The following GNAO1 variants were observed in gnomAD, a reference collection of about 807,000 sequenced individuals.
GNAO1 encodes the protein guanine nucleotide-binding protein G(o) subunit alpha.
For missense variants in GNAO1, 166 were observed against 478.7 expected, an observed-to-expected ratio of 0.35 and a Z score of 6.10; for synonymous variants, 164 against 180.7, an observed-to-expected ratio of 0.91 and a Z score of 0.74.
At chr16:56,253,456 G>A (rs534842099) in intron 2 of GNAO1, among the ~76,000 whole-genome samples, 7 of 152,346 alleles carry the variant, frequency 4.6e-5, no homozygotes, top group African/African-American at 1.4e-4. Context: ...AATTGGGCAA[G>A]TGTGATTAAT....
chr16:56,336,366 A>C (rs1464366218), intron 5 of GNAO1: 1 of 188,420 alleles, frequency 5.3e-6, no homozygotes, highest in African/African-American at 2.4e-5. Context: ...TGCCCAGAGC[A>C]AACCCAGGAA....
intron 3 of GNAO1, among the ~76,000 whole-genome samples, chr16:56,286,963 A>G (rs2143548932): frequency 6.6e-6 from 1 of 152,286 alleles, no homozygotes; most frequent in South Asian, 2.1e-4. Context: ...TGCCCCGTGC[A>G]GGAGATGACT....
At chr16:56,209,008 C>T (rs1319786678) in intron 2 of GNAO1, among the ~76,000 whole-genome samples, 2 of 151,962 alleles carry the variant, frequency 1.3e-5, no homozygotes, top group Non-Finnish European at 2.9e-5. Context: ...TTCAGTCTCC[C>T]TCTTTTTGGT....
intron 6 of GNAO1, chr16:56,347,904 C>A: frequency 1.1e-6 from 1 of 911,714 alleles, no homozygotes; most frequent in Non-Finnish European, 1.3e-6. Flanking sequence ...CCTGGCTCTG[C>A]CCGCCGTCCC....
At chr16:56,218,792 G>A (rs1463518137) in intron 2 of GNAO1, among the ~76,000 whole-genome samples, 1 of 152,126 alleles carries the variant, frequency 6.6e-6, no homozygotes, top group Non-Finnish European at 1.5e-5. Context: ...TCTTCACCCT[G>A]CTTTTTGCTT....
rs75150348 is a variant in GNAO1, at chr16:56,340,553, ACTGCCCCCAC to A, written c.723+3697_723+3706del. The stretch of plus-strand genomic sequence containing the variant: ...GAGCTGGAGCCTCTCCAGTGACCTC[ACTGCCCCCAC>A]CTGGGGCCAGCTCTCTTTGGAAGGG... On this transcript the variant is annotated intron_variant, in intron 6 of 8. Transcript: ENST00000262493. 0.12 allele frequency: 50,541 copies of A among 415,002 alleles called. 3,829 individuals are homozygous for A. The highest frequency in any genetic ancestry group is 0.19 in the Middle Eastern group (284 of 1,518). 25.7% of individuals were successfully genotyped at this position (415,002 alleles called of 1,614,324 possible).
chr16:56,195,457 G>T (rs2036224323), intron 2 of GNAO1, among the ~76,000 whole-genome samples: 1 of 152,204 alleles, frequency 6.6e-6, no homozygotes, highest in African/African-American at 2.4e-5. Context: ...TGCAGAGATG[G>T]TTTTTGAGAT....
At chr16:56,306,895 CG>C (rs2037402720) in intron 3 of GNAO1, 1 of 152,510 alleles carries the variant, frequency 6.6e-6, no homozygotes, top group Non-Finnish European at 1.5e-5. Flanking sequence ...ACAATGTGGC[CG>C]GGAACTCTGG....
chr16:56,212,556 C>G (rs1433312145), intron 2 of GNAO1, among the ~76,000 whole-genome samples: 1 of 152,216 alleles, frequency 6.6e-6, no homozygotes, highest in Non-Finnish European at 1.5e-5. Flanking sequence ...CCAGATTTGT[C>G]ACAATAGTGT....
chr16:56,289,223 G>T (rs1406383538), intron 3 of GNAO1, among the ~76,000 whole-genome samples: 1 of 152,186 alleles, frequency 6.6e-6, no homozygotes, highest in African/African-American at 2.4e-5. Context: ...TGGGCCACTT[G>T]CCCCACAGTA....
At chr16:56,336,906 G>C (rs377573101) in intron 6 of GNAO1, 46 bp downstream of exon 6, 1 of 1,569,022 alleles carries the variant, frequency 6.4e-7, no homozygotes, top group Non-Finnish European at 8.6e-7. Context: ...CTGAGGAGAC[G>C]GCCGCAGGAT....
intron 2 of GNAO1, among the ~76,000 whole-genome samples, chr16:56,241,057 C>T (rs2036689494): frequency 1.3e-5 from 2 of 152,242 alleles, no homozygotes; most frequent in African/African-American, 4.8e-5. Context: ...CCAGGCTTTA[C>T]TTCCTGCTTT....
rs2036177381 is a variant in GNAO1, at chr16:56,191,911, C to T, written c.-325C>T. On this transcript the variant is annotated 5_prime_UTR_variant, in exon 1 of 9. Transcript: ENST00000262493. The surrounding 1 kb of genome is among the most constrained non-coding windows in gnomAD (Gnocchi z 4.7). ...ATTATTTTATTTATTTTGGGTCGTG[C>T]ACAAGCCTCAGTGCCTGCAGTCCGC... 3 of 369,972 alleles carry T rather than the reference C, an allele frequency of 8.1e-6. No homozygotes were observed. Among genetic ancestry groups the T allele is most frequent in the Non-Finnish European group, 1.5e-5 (3 of 203,634 alleles). The allele number at this position is 369,972 out of a possible 1,614,324, so 22.9% of individuals were successfully genotyped here.
intron 2 of GNAO1, among the ~76,000 whole-genome samples, chr16:56,261,285 G>A (rs926405023): frequency 1.6e-4 from 25 of 152,324 alleles, no homozygotes; most frequent in Admixed American, 7.8e-4. Context: ...TGAGAAGGGC[G>A]TCTTTTGTCT....
intron 3 of GNAO1, among the ~76,000 whole-genome samples, chr16:56,297,521 TGGTGTG>T (rs1251234215): frequency 9.1e-5 from 10 of 109,820 alleles, no homozygotes; most frequent in African/African-American, 3.0e-4. Context: ...TTTGTCTAAC[TGGTGTG>T]TGTGTGTGTG....
intron 2 of GNAO1, among the ~76,000 whole-genome samples, chr16:56,206,420 G>A (rs901993672): frequency 4.0e-5 from 6 of 151,748 alleles, no homozygotes; most frequent in Non-Finnish European, 8.8e-5. Context: ...TTTGAATGCC[G>A]TGGGAGATTG....
At chr16:56,304,230 C>T (rs1407517263) in intron 3 of GNAO1, among the ~76,000 whole-genome samples, 4 of 152,200 alleles carry the variant, frequency 2.6e-5, no homozygotes, top group Non-Finnish European at 5.9e-5. Flanking sequence ...CTTCAGGGAG[C>T]CCCCTGCGTC....
At chr16:56,227,294 T>C (rs2036540710) in intron 2 of GNAO1, among the ~76,000 whole-genome samples, 2 of 152,186 alleles carry the variant, frequency 1.3e-5, no homozygotes, top group South Asian at 2.1e-4. Flanking sequence ...TGACACTTGC[T>C]TGGCTCAGGA....
intron 2 of GNAO1, chr16:56,213,476 G>A (rs114552986): frequency 4.7e-4 from 185 of 395,732 alleles, no homozygotes; most frequent in African/African-American, 3.7e-3. Context: ...GGGCATGAGC[G>A]GGAGGGAATG....
Sources: gnomAD v4.1 joint callset for allele counts (sites outside exome capture counted in the v4.1 genomes callset) on GRCh38, gnomAD v4.1.1 for gene constraint, Gnocchi (gnomAD v3.1) non-coding constraint, MANE v1.5 for transcripts, NCBI Gene and HGNC (gene_info 2026-07-23, HGNC 2026-07-21) for gene names.